The following BATF variants were observed in gnomAD, a reference collection of about 807,000 sequenced individuals.
The protein encoded by BATF is basic leucine zipper ATF-like transcription factor, also known as basic leucine zipper transcriptional factor ATF-like.
A neutral mutation model predicts 13.7 loss-of-function variants in BATF; 5 were observed. The ratio of observed to expected loss-of-function variants is 0.36; its 90% CI spans 0.19 to 0.77. The LOEUF is 0.77. Among genes scored for constraint, BATF ranks in the 30% least tolerant of loss-of-function variants. BATF has a pLI of 0.51. For missense variants in BATF, 124 were observed against 163.0 expected (o/e 0.76, Z 1.30); for synonymous variants, 72 against 67.5 (o/e 1.07, Z -0.33).
chr14:75,522,650 G>A lies in BATF; in HGVS notation c.-33G>A, dbSNP rs898063288. The A allele has an allele frequency of 1.9e-6, 3 of 1,613,894 alleles. No individual in the cohort carries two copies. The highest frequency in any genetic ancestry group is 2.5e-6 in the Non-Finnish European group (3 of 1,179,834). On this transcript the variant is annotated 5_prime_UTR_variant, in exon 1 of 3. Coordinates refer to ENST00000286639, the MANE Select transcript of BATF (RefSeq NM_006399.5). ...TGACAAGAGAGCCCAGAGGTGCCTG[G>A]GGCTGAGTGTGAGAGCCCGGAAGAT...
At chr14:75,529,122 GA>G (rs1024748882) in intron 2 of BATF, among the ~76,000 whole-genome samples, 2 of 151,808 alleles carry the variant, frequency 1.3e-5, no homozygotes, top group East Asian at 1.9e-4. Flanking sequence ...AGTTTCCAGT[GA>G]AAAAAAATCA....
chr14:75,544,562 C>CAGGAAAAAAAAAAAAAAAAAAAA lies in BATF; in HGVS notation c.169-1899_169-1898insGGAAAAAAAAAAAAAAAAAAAAA, dbSNP rs754402071. 1.2e-4 allele frequency among the ~76,000 whole-genome samples: 4 copies of CAGGAAAAAAAAAAAAAAAAAAAA among 33,020 alleles called. 2 individuals are homozygous for CAGGAAAAAAAAAAAAAAAAAAAA. Among genetic ancestry groups the CAGGAAAAAAAAAAAAAAAAAAAA allele is most frequent in the Non-Finnish European group, 1.2e-4 (2 of 16,458 alleles). The allele number at this position is 33,020 out of a possible 152,430, so 21.7% of individuals were successfully genotyped here. A position where few individuals can be genotyped will look rare whatever the true frequency, so the allele number is the denominator to read the frequency against. On this transcript the variant is annotated intron_variant, in intron 2 of 2. Coordinates refer to ENST00000286639, the MANE Select transcript of BATF (RefSeq NM_006399.5). Reference sequence around the variant, plus strand: ...CCTGGGTGACAGAGTGAGACTGTCTCAAAAAAAAAAAAAAAAAAAAAAAAA... The same window carrying CAGGAAAAAAAAAAAAAAAAAAAA: ...CCTGGGTGACAGAGTGAGACTGTCTCAGGAAAAAAAAAAAAAAAAAAAAAAAAAAAAAAAAAAAAAAAAAAAAA...
At chr14:75,526,137 G>A (rs776075851) in intron 2 of BATF, among the ~76,000 whole-genome samples, 14 of 152,156 alleles carry the variant, frequency 9.2e-5, no homozygotes, top group African/African-American at 2.9e-4. Context: ...CTGCAGTTCC[G>A]CCAGTGGCCA....
At chr14:75,539,602 C>T (rs1009437951) in intron 2 of BATF, among the ~76,000 whole-genome samples, 1 of 152,032 alleles carries the variant, frequency 6.6e-6, no homozygotes, top group Non-Finnish European at 1.5e-5. Context: ...CCTTTTCACC[C>T]TGTGACTAGA....
chr14:75,536,979 C>T (rs1464020465), intron 2 of BATF, among the ~76,000 whole-genome samples: 1 of 152,122 alleles, frequency 6.6e-6, no homozygotes, highest in Non-Finnish European at 1.5e-5. Flanking sequence ...TTGTTTAATG[C>T]AGACAGCCTG....
intron 1 of BATF, among the ~76,000 whole-genome samples, chr14:75,523,986 C>T (rs895342784): frequency 2.6e-5 from 4 of 152,180 alleles, no homozygotes; most frequent in African/African-American, 9.7e-5. Context: ...AGAGCACTTC[C>T]TTCCTATCTA....
chr14:75,522,897 C>T, intron 1 of BATF, 152 bp downstream of exon 1: 1 of 857,598 alleles, frequency 1.2e-6, no homozygotes, highest in Non-Finnish European at 1.8e-6. Context: ...GAATTTGCTA[C>T]TAAGCTGTGC....
At chr14:75,531,829 A>T (rs1887738579) in intron 2 of BATF, among the ~76,000 whole-genome samples, 1 of 151,962 alleles carries the variant, frequency 6.6e-6, no homozygotes, top group African/African-American at 2.4e-5. Flanking sequence ...GTCCTATTTC[A>T]CTCCTGGAAT....
chr14:75,528,672 T>C lies in BATF; in HGVS notation c.168+3484T>C, dbSNP rs573835776. 2.0e-5 allele frequency among the ~76,000 whole-genome samples: 3 copies of C among 152,340 alleles called. No individual in the cohort carries two copies. In the South Asian group the frequency reaches 6.2e-4, roughly 32 times the overall value. On this transcript the variant is annotated intron_variant, in intron 2 of 2. Coordinates refer to ENST00000286639, the MANE Select transcript of BATF (RefSeq NM_006399.5). The stretch of plus-strand genomic sequence containing the variant: ...AGACAACTGTAGGGTTCATTGTATA[T>C]AGTACAGATGTTGATTAAAAAAGAG...
chr14:75,542,778 G>C, intron 2 of BATF, among the ~76,000 whole-genome samples: 1 of 152,358 alleles, frequency 6.6e-6, no homozygotes, highest in East Asian at 1.9e-4. Flanking sequence ...TATCACTGGC[G>C]GTGGTTTTCT....
At chr14:75,545,215 C>CATTTTT (rs897826734) in intron 2 of BATF, among the ~76,000 whole-genome samples, 15 of 151,792 alleles carry the variant, frequency 9.9e-5, no homozygotes, top group East Asian at 1.9e-4. Flanking sequence ...TTATTTATTT[C>CATTTTT]ATTTTTATTT....
At chr14:75,527,877 T>C (rs1887676050) in intron 2 of BATF, among the ~76,000 whole-genome samples, 1 of 152,242 alleles carries the variant, frequency 6.6e-6, no homozygotes, top group African/African-American at 2.4e-5. Context: ...GCGGAGTTGA[T>C]GCAGCAAGCC....
At chr14:75,544,939 G>A (rs1359001069) in intron 2 of BATF, among the ~76,000 whole-genome samples, 2 of 152,026 alleles carry the variant, frequency 1.3e-5, no homozygotes, top group African/African-American at 4.8e-5. Context: ...TGGGCTTTCT[G>A]AGGATGGGAT....
At chr14:75,532,086 T>G (rs1352164407) in intron 2 of BATF, among the ~76,000 whole-genome samples, 2 of 152,234 alleles carry the variant, frequency 1.3e-5, no homozygotes, top group African/African-American at 4.8e-5. Context: ...AGCATCTCAT[T>G]TAATCTGCAT....
At chr14:75,528,235 C>G (rs1566766215) in intron 2 of BATF, among the ~76,000 whole-genome samples, 2 of 152,114 alleles carry the variant, frequency 1.3e-5, no homozygotes, top group Non-Finnish European at 2.9e-5. Flanking sequence ...ACTGAGAGTA[C>G]CATATCAAAA....
At chr14:75,545,916 T>C (rs1887977744) in intron 2 of BATF, among the ~76,000 whole-genome samples, 1 of 152,096 alleles carries the variant, frequency 6.6e-6, no homozygotes, top group South Asian at 2.1e-4. Context: ...TGGAGTGCAG[T>C]GGCTCAATCT....
intron 1 of BATF, among the ~76,000 whole-genome samples, chr14:75,523,378 T>C (rs1438615346): frequency 6.6e-6 from 1 of 152,084 alleles, no homozygotes; most frequent in East Asian, 1.9e-4. Flanking sequence ...GGCTTCTGGA[T>C]AGGAGCAAGG....
intron 2 of BATF, among the ~76,000 whole-genome samples, chr14:75,533,026 A>G (rs1158684068): frequency 6.6e-6 from 1 of 152,204 alleles, no homozygotes; most frequent in Non-Finnish European, 1.5e-5. Context: ...TTTAAAAATT[A>G]GGCTATTTTC....
At chr14:75,530,234 T>C (rs1887714239) in intron 2 of BATF, among the ~76,000 whole-genome samples, 1 of 152,166 alleles carries the variant, frequency 6.6e-6, no homozygotes, top group Non-Finnish European at 1.5e-5. Context: ...ATGTTGTTGA[T>C]ACACGATGTT....
Sources: allele counts gnomAD v4.1 joint callset (sites outside exome capture counted in the v4.1 genomes callset), GRCh38; gene constraint gnomAD v4.1.1; transcripts MANE v1.5; gene names NCBI Gene and HGNC (gene_info 2026-07-23, HGNC 2026-07-21).